Variants in PCDHGA4 observed in about 807,000 individuals in gnomAD.
The protein encoded by PCDHGA4 is protocadherin gamma subfamily A, 4.
A neutral mutation model predicts 54.6 loss-of-function variants in PCDHGA4; 38 were observed. The ratio of observed to expected loss-of-function variants is 0.70; its 90% confidence interval spans 0.54 to 0.91. PCDHGA4 has a LOEUF of 0.91. Among genes scored for constraint, PCDHGA4 ranks in the 40% least tolerant of loss-of-function variants. PCDHGA4 has a pLI of 0.00. For synonymous variants in PCDHGA4, 511 were observed against 512.9 expected, an observed-to-expected ratio of 1.00 and a Z score of 0.05; for missense variants, 1,298 against 1,220.9, an observed-to-expected ratio of 1.06 and a Z score of -0.94.
chr5:141,427,705 C>T (rs2097059995), intron 1 of PCDHGA4: 1 of 983,052 alleles, frequency 1.0e-6, no homozygotes, highest in African/African-American at 1.6e-5. Flanking sequence ...CAAGTCAGCG[C>T]CTCTGACCTG....
Position 141,487,176 on chromosome 5 carries a change from A to G in PCDHGA4, c.2515-7631A>G. On this transcript the variant is annotated intron_variant, in intron 1 of 3. Coordinates refer to ENST00000571252, the MANE Select transcript of PCDHGA4 (RefSeq NM_018917.4). The surrounding 1 kb of genome is among the most constrained non-coding windows in gnomAD (Gnocchi z 5.0). ...ACTCTCTTAGTGTCCTTAGAGGAAGACACTCATCCAGTTGTCCCAGATCTT... is the reference window on the plus strand; with the variant it reads ...ACTCTCTTAGTGTCCTTAGAGGAAGGCACTCATCCAGTTGTCCCAGATCTT... 1 of 1,613,774 alleles carries G rather than the reference A, an allele frequency of 6.2e-7. No homozygotes were observed. The highest frequency in any genetic ancestry group is 8.5e-7 in the Non-Finnish European group (1 of 1,179,664).
chr5:141,433,767 G>T (rs1237334342), intron 1 of PCDHGA4, among the ~76,000 whole-genome samples: 1 of 151,532 alleles, frequency 6.6e-6, no homozygotes, highest in Non-Finnish European at 1.5e-5. Flanking sequence ...AACCTGGGAG[G>T]TGGAGGTTGC....
chr5:141,371,310 G>T, intron 1 of PCDHGA4: 2 of 1,613,992 alleles, frequency 1.2e-6, no homozygotes, highest in Non-Finnish European at 1.7e-6. Flanking sequence ...CACTATTGGA[G>T]AACTGGACTT....
In PCDHGA4 at chr5:141,486,587, G is replaced by A. The variant is rs2099631441; in HGVS notation, c.2515-8220G>A. 6.2e-7 allele frequency: 1 copy of A among 1,613,478 alleles called. No homozygotes were observed. The highest frequency in any genetic ancestry group is 1.7e-5 in the Admixed American group (1 of 60,014). On this transcript the variant is annotated intron_variant, in intron 1 of 3. Coordinates refer to ENST00000571252, the MANE Select transcript of PCDHGA4 (RefSeq NM_018917.4). The surrounding 1 kb of genome is among the most constrained non-coding windows in gnomAD (Gnocchi z 5.0). ...TGTTCCTGAGAACAATCGCCCAGGGGACCTGCTTTGCTCCCTTGCAGCCTC... is the reference window on the plus strand; with the variant it reads ...TGTTCCTGAGAACAATCGCCCAGGGAACCTGCTTTGCTCCCTTGCAGCCTC...
chr5:141,419,737 G>C lies in PCDHGA4; in HGVS notation c.2514+62116G>C, dbSNP rs201663350. The C allele has an allele frequency of 1.9e-6, 3 of 1,613,718 alleles. No homozygotes were observed. In the African/African-American group the frequency reaches 4.0e-5, roughly 22 times the overall value. Reference sequence around the variant, plus strand: ...GCCTGGGGCTGCGAACAGGCGAGGTGCGCATGGTGCGTGCTTTGGGTGACA... The same window carrying C: ...GCCTGGGGCTGCGAACAGGCGAGGTCCGCATGGTGCGTGCTTTGGGTGACA... On this transcript the variant is annotated intron_variant, in intron 1 of 3. Transcript: ENST00000571252.
At chr5:141,405,389 T>A in intron 1 of PCDHGA4, 12 of 1,600,534 alleles carry the variant, frequency 7.5e-6, no homozygotes, top group Non-Finnish European at 8.5e-6. Context: ...GAGTTCATTT[T>A]TTTTCTTTCT....
Position 141,393,095 on chromosome 5 carries a change from G to A in PCDHGA4, c.2514+35474G>A, listed in dbSNP as rs1057103671. On this transcript the variant is annotated intron_variant, in intron 1 of 3. Transcript: ENST00000571252. ...CCGCGGGCAGGATAGATCGGGAGGA[G>A]CTCTGCGCTCAGAGCCCGCGGTGTC... The A allele has an allele frequency of 3.1e-6, 5 of 1,613,520 alleles. No homozygotes were observed. The East Asian group carries it at 8.9e-5, about 29-fold the overall frequency.
At chr5:141,479,823 G>A (rs1208437635) in intron 1 of PCDHGA4, among the ~76,000 whole-genome samples, 1 of 152,172 alleles carries the variant, frequency 6.6e-6, no homozygotes, top group Admixed American at 6.5e-5. Context: ...TACTATCCAA[G>A]GCATGGTATC....
rs1191643556 is a variant in PCDHGA4, at chr5:141,486,302, C to T, written c.2515-8505C>T. The T allele has an allele frequency of 2.5e-6, 4 of 1,613,918 alleles. No individual in the cohort carries two copies. The highest frequency in any genetic ancestry group is 3.4e-6 in the Non-Finnish European group (4 of 1,180,002). Reference sequence around the variant, plus strand: ...GGTGGCACTTATCAGTGTGCAGGATCCAGACTCAGGGTCAAACGGAGATGT... The same window carrying T: ...GGTGGCACTTATCAGTGTGCAGGATTCAGACTCAGGGTCAAACGGAGATGT... On this transcript the variant is annotated intron_variant, in intron 1 of 3. Coordinates refer to ENST00000571252, the MANE Select transcript of PCDHGA4 (RefSeq NM_018917.4). This position sits in a 1 kb window ranked among gnomAD's most constrained non-coding sequence, Gnocchi z 5.0.
At chr5:141,388,969 C>A (rs1392290138) in intron 1 of PCDHGA4, 1 of 1,613,882 alleles carries the variant, frequency 6.2e-7, no homozygotes, top group Non-Finnish European at 8.5e-7. Context: ...GAGCTGGGAA[C>A]ACATATTGCT....
intron 1 of PCDHGA4, among the ~76,000 whole-genome samples, chr5:141,439,532 C>T (rs1030997598): frequency 6.6e-6 from 1 of 152,202 alleles, no homozygotes; most frequent in Admixed American, 6.5e-5. Context: ...CTACAGAACG[C>T]TGTCCTCTCA....
intron 1 of PCDHGA4, chr5:141,419,343 A>G: frequency 6.2e-7 from 1 of 1,613,806 alleles, no homozygotes; most frequent in East Asian, 2.2e-5. Flanking sequence ...ATTGCCAGCG[A>G]CCTGGAGTCA....
At chr5:141,392,280 GCA>G (rs1460323134) in intron 1 of PCDHGA4, 2 of 152,190 alleles carry the variant, frequency 1.3e-5, no homozygotes, top group East Asian at 3.8e-4. Flanking sequence ...AAAGCTTAGA[GCA>G]CAATGGGAAA....
Position 141,487,266 on chromosome 5 carries a change from T to A in PCDHGA4, c.2515-7541T>A. The stretch of plus-strand genomic sequence containing the variant: ...ACCCTCTACTTGGCTGTGTCCCTAG[T>A]GGCAATTTGCTTTGTCTCCTTTGGC... On this transcript the variant is annotated intron_variant, in intron 1 of 3. Transcript: ENST00000571252. This position sits in a 1 kb window ranked among gnomAD's most constrained non-coding sequence, Gnocchi z 5.0. The A allele has an allele frequency of 1.2e-6, 2 of 1,614,172 alleles. No homozygotes were observed. Among genetic ancestry groups the A allele is most frequent in the Non-Finnish European group, 8.5e-7 (1 of 1,180,036 alleles).
At chr5:141,365,650 G>T in intron 1 of PCDHGA4, 1 of 1,613,414 alleles carries the variant, frequency 6.2e-7, no homozygotes, top group South Asian at 1.1e-5. Context: ...ACATCCCCTT[G>T]AAAGTAGCAG....
chr5:141,504,496 G>C (rs2099838771), intron 2 of PCDHGA4, among the ~76,000 whole-genome samples: 1 of 152,100 alleles, frequency 6.6e-6, no homozygotes, highest in Non-Finnish European at 1.5e-5. Flanking sequence ...CACCTGCCCA[G>C]TCTGAGTGGA....
chr5:141,422,400 G>A (rs1207332302), intron 1 of PCDHGA4: 3 of 1,598,664 alleles, frequency 1.9e-6, no homozygotes, highest in South Asian at 2.3e-5. Context: ...CTAACCACCT[G>A]CCTTTTAAAT....
intron 1 of PCDHGA4, among the ~76,000 whole-genome samples, chr5:141,381,379 A>G (rs1777152339): frequency 6.6e-6 from 1 of 152,224 alleles, no homozygotes; most frequent in Non-Finnish European, 1.5e-5. Flanking sequence ...GGATCCATCA[A>G]TAATTTAGTT....
rs751345684 is a variant in PCDHGA4 at position 141,398,995 on chromosome 5, C to G, written c.2514+41374C>G. ...CTACAGAACCGGGCAAATCTTTAGT[C>G]TGAATTCAAAGAGCGGAGAAATTAC... On this transcript the variant is annotated intron_variant, in intron 1 of 3. Transcript: ENST00000571252. 2.5e-5 allele frequency: 41 copies of G among 1,613,782 alleles called. No homozygotes were observed. The East Asian group carries it at 8.7e-4, about 34-fold the overall frequency.
Sources: gnomAD v4.1 joint callset for allele counts (sites outside exome capture counted in the v4.1 genomes callset) on GRCh38, gnomAD v4.1.1 for gene constraint, Gnocchi (gnomAD v3.1) non-coding constraint, MANE v1.5 for transcripts, NCBI Gene and HGNC (gene_info 2026-07-23, HGNC 2026-07-21) for gene names.